Variants in SH3BP5 observed in about 807,000 individuals in gnomAD.
SH3BP5 encodes SH3 domain-binding protein 5.
In SH3BP5, 22 loss-of-function variants were observed where a neutral mutation model predicts 43.3. The observed-to-expected ratio is 0.51, with a 90% CI of 0.36 to 0.73. The LOEUF (loss-of-function observed/expected upper bound fraction) is 0.73, where lower values mean the gene tolerates loss of function less well. Ranked by LOEUF, SH3BP5 falls within the 30% of genes least tolerant of loss-of-function variation. SH3BP5 has a pLI of 0.00. For synonymous variants in SH3BP5, 255 were observed against 225.8 expected (o/e 1.13, Z -1.16); for missense variants, 529 against 586.9 (o/e 0.90, Z 1.02).
chr3:15,281,445 C>T lies in SH3BP5; in HGVS notation c.331-11568G>A, dbSNP rs111268680. On this transcript the variant is annotated intron_variant, in intron 3 of 8. Coordinates refer to ENST00000383791, the MANE Select transcript of SH3BP5 (RefSeq NM_004844.5). ...TGGGTCTACAACCTTGAACAAGGAC[C>T]TGAAGGCATCAGATTCCCTTGGCAG... is the stretch of plus-strand genomic sequence containing the variant. 3.2e-3 allele frequency among the ~76,000 whole-genome samples: 480 copies of T among 152,198 alleles called. 3 individuals carry two copies. The highest frequency in any genetic ancestry group is 6.6e-3 in the South Asian group (32 of 4,822).
chr3:15,273,310 C>A, intron 3 of SH3BP5: 1 of 985,360 alleles, frequency 1.0e-6, no homozygotes, highest in Non-Finnish European at 1.2e-6. Context: ...GCTCTTTTGA[C>A]GGCCTTCTGA....
At chr3:15,326,490 T>C (rs957402802) in intron 2 of SH3BP5, among the ~76,000 whole-genome samples, 1 of 152,118 alleles carries the variant, frequency 6.6e-6, no homozygotes, top group African/African-American at 2.4e-5. Flanking sequence ...CAAAAGGCAA[T>C]GGGAAAGGAA....
Position 15,264,132 on chromosome 3 carries a change from C to T in SH3BP5, c.496-1843G>A, listed in dbSNP as rs142873805. 1.7e-3 allele frequency among the ~76,000 whole-genome samples: 254 copies of T among 152,256 alleles called. 1 individual carries two copies. Among genetic ancestry groups the T allele is most frequent in the African/African-American group, 5.5e-3 (227 of 41,532 alleles). Reference sequence around the variant, plus strand: ...CTTACGATAAGGATTTTTAAAGGTACCATGAAAAATTATGAAAGACTTTTA... The same window carrying T: ...CTTACGATAAGGATTTTTAAAGGTATCATGAAAAATTATGAAAGACTTTTA... On this transcript the variant is annotated intron_variant, in intron 4 of 8. Transcript: ENST00000383791.
Position 15,304,249 on chromosome 3 carries a change from C to A in SH3BP5, c.202-18G>T, listed in dbSNP as rs748586576. Reference sequence around the variant, plus strand: ...CGAGCATCCTGCAGCCAGGGGAAACCGAGGAAACACAGTTGAGGCTTAAGA... The same window carrying A: ...CGAGCATCCTGCAGCCAGGGGAAACAGAGGAAACACAGTTGAGGCTTAAGA... On this transcript the variant is annotated intron_variant, in intron 2 of 8. Transcript: ENST00000383791. The A allele has an allele frequency of 6.2e-7, 1 of 1,614,048 alleles. No homozygotes were observed. Among genetic ancestry groups the A allele is most frequent in the South Asian group, 1.1e-5 (1 of 91,068 alleles).
chr3:15,307,644 T>C (rs6768231), intron 2 of SH3BP5, among the ~76,000 whole-genome samples: 2,716 of 152,318 alleles, frequency 0.018, 72 homozygotes, highest in African/African-American at 0.061. Context: ...AAAGAGACCC[T>C]GAGACCCTAT....
At chr3:15,332,693 G>A, upstream of SH3BP5, 1 of 1,118,416 alleles carries the variant, frequency 8.9e-7, no homozygotes, top group Non-Finnish European at 1.1e-6. Flanking sequence ...AGCTATCCAG[G>A]TCTCCGTCGC....
rs373879792 is a variant in SH3BP5 at position 15,320,640 on chromosome 3, A to ACACACGCT, written c.201+9863_201+9864insAGCGTGTG. 3.1e-4 allele frequency among the ~76,000 whole-genome samples: 46 copies of ACACACGCT among 149,674 alleles called. 1 individual carries two copies. Among genetic ancestry groups the ACACACGCT allele is most frequent in the African/African-American group, 1.0e-3 (41 of 40,318 alleles). On this transcript the variant is annotated intron_variant, in intron 2 of 8. Coordinates refer to ENST00000383791, the MANE Select transcript of SH3BP5 (RefSeq NM_004844.5). ...CACACACACACACACACACACACACACCCCACTACGTTAAAGTCCCTACAA... is the reference window on the plus strand; with the variant it reads ...CACACACACACACACACACACACACACACACGCTCCCCACTACGTTAAAGTCCCTACAA...
chr3:15,330,142 G>A (rs1698572666), intron 2 of SH3BP5, among the ~76,000 whole-genome samples: 1 of 152,240 alleles, frequency 6.6e-6, no homozygotes, highest in Non-Finnish European at 1.5e-5. Context: ...GAACTGCCCT[G>A]AATATGTAAG....
Position 15,330,497 on chromosome 3 carries a change from T to A in SH3BP5, c.201+7A>T, listed in dbSNP as rs1698583030. ...TTCACCAAGAACAGGAACTCAGCTC[T>A]CTGTACCTCAAGTTCAGTCTCCCGT... is the stretch of plus-strand genomic sequence containing the variant. On this transcript the variant is annotated splice_region_variant and intron_variant, in intron 2 of 8. Coordinates refer to ENST00000383791, the MANE Select transcript of SH3BP5 (RefSeq NM_004844.5). 6.2e-7 allele frequency: 1 copy of A among 1,610,054 alleles called. No homozygotes were observed. The highest frequency in any genetic ancestry group is 2.2e-5 in the East Asian group (1 of 44,868).
chr3:15,315,455 C>G (rs1381859075), intron 2 of SH3BP5, among the ~76,000 whole-genome samples: 1 of 152,190 alleles, frequency 6.6e-6, no homozygotes, highest in African/African-American at 2.4e-5. Context: ...CAACCCTTTC[C>G]AAGGCATCAC....
rs1697388899 is a variant in SH3BP5, at chr3:15,290,668, C to A, written c.330+13435G>T. 2.6e-5 allele frequency among the ~76,000 whole-genome samples: 4 copies of A among 152,086 alleles called. No individual in the cohort carries two copies. The South Asian group carries it at 8.3e-4, about 32-fold the overall frequency. ...GAACTGAGATCGTGCCACTGCGCTC[C>A]AGCCTGGGTGACAGAGCAAGACTCC... On this transcript the variant is annotated intron_variant, in intron 3 of 8. Coordinates refer to ENST00000383791, the MANE Select transcript of SH3BP5 (RefSeq NM_004844.5).
chr3:15,340,483 A>T (rs76375738), intron 1 of SH3BP5, among the ~76,000 whole-genome samples: 10,693 of 152,182 alleles, frequency 0.07, 534 homozygotes, highest in South Asian at 0.18. Flanking sequence ...AAAAAGCAAC[A>T]TAGGCCGGCA....
At chr3:15,311,365 C>T (rs1463490478) in intron 2 of SH3BP5, among the ~76,000 whole-genome samples, 4 of 152,072 alleles carry the variant, frequency 2.6e-5, no homozygotes, top group Admixed American at 6.6e-5. Flanking sequence ...GAGTTCGAGA[C>T]CAGCCTGGCC....
Position 15,258,514 on chromosome 3 carries a change from T to C in SH3BP5, c.889+317A>G, listed in dbSNP as rs1575274535. The C allele has an allele frequency of 2.1e-5, 8 of 383,806 alleles. No homozygotes were observed. In the South Asian group the frequency reaches 2.6e-4, roughly 13 times the overall value. The allele number at this position is 383,806 out of a possible 1,614,324, so 23.8% of individuals were successfully genotyped here. A position where few individuals can be genotyped will look rare whatever the true frequency, so the allele number is the denominator to read the frequency against. On this transcript the variant is annotated intron_variant, in intron 7 of 8. Coordinates refer to ENST00000383791, the MANE Select transcript of SH3BP5 (RefSeq NM_004844.5). ...GTAATGATGTAAAGGTAGCTTTGAA[T>C]CAAATCTGATTACAGCTCTTCTTTC...
chr3:15,320,641 C>CACACACACACACACACACACACA (rs56319701), intron 2 of SH3BP5, among the ~76,000 whole-genome samples: 2 of 128,646 alleles, frequency 1.6e-5, no homozygotes, highest in African/African-American at 3.5e-5. Context: ...CACACACACA[C>CACACACACACACACACACACACA]CCCACTACGT....
intron 3 of SH3BP5, among the ~76,000 whole-genome samples, chr3:15,280,251 C>A (rs1434157055): frequency 6.6e-6 from 1 of 152,138 alleles, no homozygotes. Context: ...CAGAAGGGTG[C>A]GCCCACATTC....
chr3:15,333,433 T>C (rs1698662068), upstream of SH3BP5, among the ~76,000 whole-genome samples: 1 of 152,190 alleles, frequency 6.6e-6, no homozygotes, highest in Admixed American at 6.5e-5. Flanking sequence ...CTGTAGCCCA[T>C]CGGCTCTGAG....
chr3:15,262,164 CTTG>C lies in SH3BP5; in HGVS notation c.618_620del (p.Asn206del), dbSNP rs1316447731. 6.2e-7 allele frequency: 1 copy of C among 1,614,106 alleles called. No homozygotes were observed. Among genetic ancestry groups the C allele is most frequent in the Non-Finnish European group, 8.5e-7 (1 of 1,179,992 alleles). ...AAGGCCCTGTCCAGACTTACTTGGA[CTTG>C]TTGATGGCTCTCTTGAGTTTCTTCT... is the stretch of plus-strand genomic sequence containing the variant. On this transcript the variant is annotated inframe_deletion, in exon 5 of 9. Coordinates refer to ENST00000383791, the MANE Select transcript of SH3BP5 (RefSeq NM_004844.5).
intron 4 of SH3BP5, 142 bp from the exon 5 acceptor site, chr3:15,262,431 G>A: frequency 1.0e-6 from 1 of 992,790 alleles, no homozygotes; most frequent in South Asian, 1.7e-5. Flanking sequence ...AGGCCAAGGT[G>A]GGTGGATCAC....
Sources: gnomAD v4.1 joint callset for allele counts (sites outside exome capture counted in the v4.1 genomes callset) on GRCh38, gnomAD v4.1.1 for gene constraint, MANE v1.5 for transcripts, NCBI Gene and HGNC (gene_info 2026-07-23, HGNC 2026-07-21) for gene names.